The following ANKRD17 variants were observed in gnomAD, a reference collection of about 807,000 sequenced individuals.
The protein encoded by ANKRD17 is ankyrin repeat domain 17, also known as ankyrin repeat domain-containing protein 17.
Under a neutral mutation model 229.7 loss-of-function variants are expected in ANKRD17, and 19 were observed. That is an observed-to-expected ratio of 0.08 (90% CI 0.06 to 0.12). The LOEUF is 0.12. Ranked by LOEUF, ANKRD17 falls within the 10% of genes least tolerant of loss-of-function variation. ANKRD17 has a pLI of 1.00. For synonymous variants in ANKRD17, 1,112 were observed against 1,146.1 expected (o/e 0.97, Z 0.60); for missense variants, 2,176 against 3,176.8 (o/e 0.68, Z 7.57).
Position 73,090,014 on chromosome 4 carries a change from G to A in ANKRD17, c.6961+653C>T, listed in dbSNP as rs113399594. 1.3e-3 allele frequency among the ~76,000 whole-genome samples: 203 copies of A among 152,270 alleles called. 1 individual carries two copies. In the South Asian group the frequency reaches 0.016, roughly 12 times the overall value. On this transcript the variant is annotated intron_variant, in intron 29 of 33. Transcript: ENST00000358602. Reference sequence around the variant, plus strand: ...AGAAATAAAAAAGATAATGCGAAATGAAACCCAATTTTTTAAATCTGTTAT... The same window carrying A: ...AGAAATAAAAAAGATAATGCGAAATAAAACCCAATTTTTTAAATCTGTTAT...
At chr4:73,143,385 C>T (rs1291115710) in intron 11 of ANKRD17, among the ~76,000 whole-genome samples, 11 of 152,162 alleles carry the variant, frequency 7.2e-5, no homozygotes, top group Admixed American at 7.2e-4. Context: ...CCACCTTGGC[C>T]TGCCAAAATG....
At chr4:73,107,904 C>T (rs1724835316) in intron 24 of ANKRD17, among the ~76,000 whole-genome samples, 1 of 152,076 alleles carries the variant, frequency 6.6e-6, no homozygotes, top group Non-Finnish European at 1.5e-5. Context: ...GCTACATAAA[C>T]TACAAGCAAT....
chr4:73,090,580 A>T, intron 29 of ANKRD17, 87 bp downstream of exon 29: 1 of 1,522,124 alleles, frequency 6.6e-7, no homozygotes, highest in Non-Finnish European at 9.0e-7. Flanking sequence ...TATCGTCCAG[A>T]GAATAAAAAT....
intron 1 of ANKRD17, among the ~76,000 whole-genome samples, chr4:73,199,158 G>A (rs1220675797): frequency 6.6e-6 from 1 of 151,856 alleles, no homozygotes; most frequent in Non-Finnish European, 1.5e-5. Flanking sequence ...TGAGTGCCCT[G>A]AGCCTTTCTT....
At chr4:73,177,623 G>GA (rs1199878673) in intron 1 of ANKRD17, 90 bp from the exon 2 acceptor site, 1 of 949,014 alleles carries the variant, frequency 1.1e-6, no homozygotes, top group South Asian at 1.7e-5. Context: ...GCAGGGGAGG[G>GA]AAAAAATATG....
At chr4:73,198,294 T>C (rs537352208) in intron 1 of ANKRD17, among the ~76,000 whole-genome samples, 1 of 152,358 alleles carries the variant, frequency 6.6e-6, no homozygotes, top group Admixed American at 6.5e-5. Context: ...TATTTAAGAC[T>C]ATATAATGAG....
At chr4:73,169,737 A>G (rs1443818818) in intron 2 of ANKRD17, among the ~76,000 whole-genome samples, 1 of 152,166 alleles carries the variant, frequency 6.6e-6, no homozygotes, top group African/African-American at 2.4e-5. Context: ...AGCTCCCCAC[A>G]TGGTGCAAAG....
chr4:73,241,635 T>C (rs1744050357), intron 1 of ANKRD17, among the ~76,000 whole-genome samples: 1 of 151,820 alleles, frequency 6.6e-6, no homozygotes, highest in Non-Finnish European at 1.5e-5. Context: ...AAACACAACA[T>C]ATAAGACTAA....
intron 29 of ANKRD17, among the ~76,000 whole-genome samples, chr4:73,086,734 G>GTA (rs1267008234): frequency 6.7e-6 from 1 of 148,960 alleles, no homozygotes; most frequent in Non-Finnish European, 1.5e-5. Flanking sequence ...GGCTACAGGT[G>GTA]TTCACCATTA....
rs774027106 is a variant in ANKRD17 at position 73,091,869 on chromosome 4, G to C, written c.5759C>G (p.Ala1920Gly). The part of the protein sequence containing the change: ...MTHFGGTFPP[A>G]QSTWGPFPVR... ...AGGAAACGGACCCCAAGTGGATTGA[G>C]CTGGTGGAAAAGTACCTCCAAAGTG... Residue 1920 changes from alanine (A) to glycine (G), a missense_variant, in exon 29 of 34, where the codon GCT becomes GGT. This residue lies in a region of ANKRD17 where 142 missense variants were observed against 200.4 expected (regional missense o/e 0.71). Coordinates refer to ENST00000358602, the MANE Select transcript of ANKRD17 (RefSeq NM_032217.5). The C allele has an allele frequency of 3.1e-6, 5 of 1,614,214 alleles. No homozygotes were observed. In the Admixed American group the frequency reaches 8.3e-5, roughly 27 times the overall value.
At chr4:73,099,189 T>C in intron 25 of ANKRD17, 1 of 649,348 alleles carries the variant, frequency 1.5e-6, no homozygotes, top group Non-Finnish European at 2.9e-6. Context: ...AGCTTCCTTC[T>C]GGGACTGGAC....
intron 3 of ANKRD17, among the ~76,000 whole-genome samples, chr4:73,159,701 T>C (rs1365148053): frequency 6.6e-6 from 1 of 152,230 alleles, no homozygotes; most frequent in African/African-American, 2.4e-5. Context: ...GGTGTTTTAA[T>C]TCTTTCTCTT....
At chr4:73,246,611 G>A (rs899903657) in intron 1 of ANKRD17, among the ~76,000 whole-genome samples, 3 of 152,146 alleles carry the variant, frequency 2.0e-5, no homozygotes, top group African/African-American at 7.2e-5. Flanking sequence ...ATATAGATAT[G>A]TAACGACACA....
chr4:73,137,046 A>C (rs1177108672), intron 15 of ANKRD17, among the ~76,000 whole-genome samples: 1 of 150,098 alleles, frequency 6.7e-6, no homozygotes, highest in Admixed American at 6.7e-5. Context: ...AGGAGACAGG[A>C]AAAATCAATT....
In ANKRD17 at chr4:73,204,981, T is replaced by G. The variant is rs531653277; in HGVS notation, c.394-27448A>C. Among the ~76,000 whole-genome samples, 8 of 152,104 alleles carry G rather than the reference T, an allele frequency of 5.3e-5. No individual in the cohort carries two copies. In the South Asian group the frequency reaches 1.7e-3, roughly 32 times the overall value. On this transcript the variant is annotated intron_variant, in intron 1 of 33. Coordinates refer to ENST00000358602, the MANE Select transcript of ANKRD17 (RefSeq NM_032217.5). ...GGCCAAACCAATCTTCAGCAAAAAG[T>G]ACAAAGCTGAATGCATCACACTACC...
intron 2 of ANKRD17, among the ~76,000 whole-genome samples, chr4:73,172,780 C>A (rs1560649486): frequency 6.6e-6 from 1 of 151,984 alleles, no homozygotes; most frequent in Non-Finnish European, 1.5e-5. Context: ...TATTTGCAAG[C>A]CTCATGGTAA....
chr4:73,166,690 A>C (rs558163779), intron 2 of ANKRD17, among the ~76,000 whole-genome samples: 7 of 152,214 alleles, frequency 4.6e-5, no homozygotes, highest in Middle Eastern at 3.4e-3. Context: ...TAGGAAATAC[A>C]ACACACAGAA....
intron 24 of ANKRD17, chr4:73,113,377 T>C: frequency 2.3e-6 from 3 of 1,289,934 alleles, no homozygotes; most frequent in Non-Finnish European, 3.0e-6. Flanking sequence ...ATTCCAAGAT[T>C]TGTATTTCAC....
intron 1 of ANKRD17, among the ~76,000 whole-genome samples, chr4:73,193,997 A>G (rs1175508230): frequency 1.3e-5 from 2 of 152,168 alleles, no homozygotes; most frequent in East Asian, 1.9e-4. Flanking sequence ...GAGAATTCTT[A>G]ATATATACCA....
Sources: gnomAD v4.1 joint callset for allele counts (sites outside exome capture counted in the v4.1 genomes callset) on GRCh38, gnomAD v4.1.1 for gene constraint, gnomAD v4.1.1 regional missense constraint, MANE v1.5 for transcripts, NCBI Gene and HGNC (gene_info 2026-07-23, HGNC 2026-07-21) for gene names.